TTLL11: variants seen among roughly 807,000 people sequenced by gnomAD.
TTLL11 encodes tubulin polyglutamylase TTLL11.
A neutral mutation model predicts 51.7 loss-of-function variants in TTLL11; 42 were observed. The observed-to-expected ratio is 0.81, with a 90% CI of 0.64 to 1.05. TTLL11 has a LOEUF of 1.05. Ranked by LOEUF, TTLL11 falls within the 50% of genes least tolerant of loss-of-function variation. TTLL11 has a pLI of 0.00. For synonymous variants in TTLL11, 381 were observed against 383.5 expected (o/e 0.99, Z 0.08); for missense variants, 799 against 940.4 (o/e 0.85, Z 1.97).
At position 121,817,490 on chromosome 9, in the gene TTLL11, T is replaced by G. The variant is rs1480323642; in HGVS notation, c.*5097A>C. The G allele has an allele frequency of 6.6e-6, 1 of 152,256 alleles. No individual in the cohort carries two copies. Among genetic ancestry groups the G allele is most frequent in the Non-Finnish European group, 1.5e-5 (1 of 68,062 alleles). 9.4% of individuals were successfully genotyped at this position (152,256 alleles called of 1,614,324 possible). A position where few individuals can be genotyped will look rare whatever the true frequency, so the allele number is the denominator to read the frequency against. ...CACATTGATGACATTTTCTGTGATC[T>G]CGTCTTATGCTCCCAAAGATCAAGT... On this transcript the variant is annotated 3_prime_UTR_variant, in exon 9 of 9. Transcript: ENST00000321582.
In TTLL11 at chr9:121,985,660, G is replaced by A. The variant is rs1477194424; in HGVS notation, c.1269+3535C>T. On this transcript the variant is annotated intron_variant, in intron 4 of 8. Transcript: ENST00000321582. ...GCCTCCCAAGTAGCTGGGACTACAGGTGCCTGCCTCAACACCCGGCTAATT... is the reference window on the plus strand; with the variant it reads ...GCCTCCCAAGTAGCTGGGACTACAGATGCCTGCCTCAACACCCGGCTAATT... Among the ~76,000 whole-genome samples the A allele has an allele frequency of 2.0e-5, 3 of 151,814 alleles. No individual in the cohort carries two copies. The East Asian group carries it at 5.8e-4, about 29-fold the overall frequency.
chr9:121,870,402 T>C, intron 7 of TTLL11, 95 bp downstream of exon 7: 1 of 1,450,056 alleles, frequency 6.9e-7, no homozygotes, highest in Non-Finnish European at 9.2e-7. Flanking sequence ...CACCACAGAT[T>C]CTCCCGAGCG....
At chr9:121,960,048 C>T (rs1380933488) in intron 6 of TTLL11, among the ~76,000 whole-genome samples, 1 of 152,014 alleles carries the variant, frequency 6.6e-6, no homozygotes, top group African/African-American at 2.4e-5. Flanking sequence ...CACCTGTAAC[C>T]CTCTCAGATC....
At chr9:121,918,507 T>G (rs1256764094) in intron 6 of TTLL11, among the ~76,000 whole-genome samples, 1 of 152,032 alleles carries the variant, frequency 6.6e-6, no homozygotes, top group Non-Finnish European at 1.5e-5. Flanking sequence ...GCAGATGGCA[T>G]TAAGGACAAG....
intron 6 of TTLL11, among the ~76,000 whole-genome samples, chr9:121,928,137 G>A (rs754002892): frequency 2.0e-5 from 3 of 152,132 alleles, no homozygotes; most frequent in Non-Finnish European, 2.9e-5. Context: ...CGGGACGCAT[G>A]GCCATGCCTG....
intron 2 of TTLL11, among the ~76,000 whole-genome samples, chr9:122,036,979 G>GGAT (rs1160800913): frequency 6.6e-6 from 1 of 152,152 alleles, no homozygotes; most frequent in Non-Finnish European, 1.5e-5. Context: ...GTGGAATATG[G>GGAT]GATGGGGCAA....
rs1248329975 is a variant in TTLL11, at chr9:121,971,244, G to C, written c.1481+2765C>G. On this transcript the variant is annotated intron_variant, in intron 6 of 8. Transcript: ENST00000321582. ...GGGTCAGCCCCCCGCCCGGCCAGCC[G>C]CCCCGTCCGGGAGGGAGGTGGGGGG... Among the ~76,000 whole-genome samples, 3 of 83,424 alleles carry C rather than the reference G, an allele frequency of 3.6e-5. 1 individual carries two copies. Among genetic ancestry groups the C allele is most frequent in the Non-Finnish European group, 8.5e-5 (3 of 35,192 alleles). The allele number at this position is 83,424 out of a possible 152,430, so 54.7% of individuals were successfully genotyped here. A position where few individuals can be genotyped will look rare whatever the true frequency, so the allele number is the denominator to read the frequency against.
chr9:121,885,234 T>A (rs1388719796), intron 6 of TTLL11: 1 of 152,240 alleles, frequency 6.6e-6, no homozygotes, highest in African/African-American at 2.4e-5. Flanking sequence ...TATTTCCATG[T>A]TGTTACTGGC....
At chr9:121,860,306 AC>A in intron 8 of TTLL11, 30 bp downstream of exon 8, 1 of 1,524,662 alleles carries the variant, frequency 6.6e-7, no homozygotes, top group Non-Finnish European at 8.9e-7. Context: ...CAGGACCCCC[AC>A]AGGCCATGGC....
intron 6 of TTLL11, among the ~76,000 whole-genome samples, chr9:121,902,334 G>A: frequency 6.6e-6 from 1 of 152,230 alleles, no homozygotes; most frequent in East Asian, 1.9e-4. Flanking sequence ...AGTTACCAGA[G>A]TGCACAGGTG....
intron 1 of TTLL11, among the ~76,000 whole-genome samples, chr9:122,048,193 G>A (rs1419217154): frequency 6.6e-6 from 1 of 151,750 alleles, no homozygotes; most frequent in East Asian, 1.9e-4. Flanking sequence ...TCAGAGATGG[G>A]GTCTCACTCT....
At chr9:121,841,681 A>G (rs990872668) in intron 8 of TTLL11, among the ~76,000 whole-genome samples, 18 of 149,942 alleles carry the variant, frequency 1.2e-4, no homozygotes, top group African/African-American at 4.6e-4. Flanking sequence ...AAGAACTGTT[A>G]CAGCAGCCCA....
At chr9:122,045,997 T>C (rs1442958447) in intron 1 of TTLL11, among the ~76,000 whole-genome samples, 1 of 152,214 alleles carries the variant, frequency 6.6e-6, no homozygotes, top group African/African-American at 2.4e-5. Context: ...AGCAGTGTGA[T>C]TGTACTTAAA....
At chr9:122,024,649 A>G (rs183149490) in intron 3 of TTLL11, among the ~76,000 whole-genome samples, 1 of 152,352 alleles carries the variant, frequency 6.6e-6, no homozygotes, top group Non-Finnish European at 1.5e-5. Flanking sequence ...ACTGTTTTTG[A>G]CACTGGTGCA....
At chr9:121,868,011 C>T (rs879445348) in intron 7 of TTLL11, among the ~76,000 whole-genome samples, 2 of 152,070 alleles carry the variant, frequency 1.3e-5, no homozygotes, top group Non-Finnish European at 2.9e-5. Context: ...TCTGCAACTC[C>T]CAAGATGTCA....
chr9:121,957,419 A>G (rs985232019), intron 6 of TTLL11, among the ~76,000 whole-genome samples: 17 of 151,764 alleles, frequency 1.1e-4, no homozygotes, highest in African/African-American at 4.1e-4. Flanking sequence ...CTGGCTTTGT[A>G]CCCCGCTCTG....
intron 6 of TTLL11, among the ~76,000 whole-genome samples, chr9:121,925,356 C>T (rs577170748): frequency 9.8e-5 from 15 of 152,352 alleles, no homozygotes; most frequent in Middle Eastern, 3.4e-3. Context: ...GCTAGGTGGG[C>T]TCCCAGATAG....
intron 6 of TTLL11, among the ~76,000 whole-genome samples, chr9:121,899,929 G>T (rs985991317): frequency 6.6e-6 from 1 of 152,150 alleles, no homozygotes; most frequent in Admixed American, 6.5e-5. Flanking sequence ...GTTTTACATT[G>T]TATCTTATTT....
intron 7 of TTLL11, among the ~76,000 whole-genome samples, chr9:121,867,255 G>A (rs575770531): frequency 1.3e-5 from 2 of 152,300 alleles, no homozygotes; most frequent in South Asian, 4.2e-4. Flanking sequence ...TTGTAGATGT[G>A]TATTGAGATT....
Sources: gnomAD v4.1 joint callset for allele counts (sites outside exome capture counted in the v4.1 genomes callset) on GRCh38, gnomAD v4.1.1 for gene constraint, MANE v1.5 for transcripts, NCBI Gene and HGNC (gene_info 2026-07-23, HGNC 2026-07-21) for gene names.